Variants in LHFPL6 observed in about 807,000 individuals in gnomAD.
LHFPL6 encodes the protein LHFPL tetraspan subfamily member 6 protein.
LHFPL6 carries 9 observed loss-of-function variants against 20.6 expected under a neutral mutation model. That is an observed-to-expected ratio of 0.44 (90% CI 0.26 to 0.76). The LOEUF (loss-of-function observed/expected upper bound fraction) is 0.76, where lower values mean the gene tolerates loss of function less well. Among genes scored for constraint, LHFPL6 ranks in the 30% least tolerant of loss-of-function variants. The pLI, the probability that LHFPL6 is intolerant of heterozygous loss-of-function variation, is 0.20. For synonymous variants in LHFPL6, 105 were observed against 98.7 expected (o/e 1.06, Z -0.38); for missense variants, 218 against 253.5 (o/e 0.86, Z 0.95).
At chr13:39,537,140 G>C (rs1870645988) in intron 2 of LHFPL6, among the ~76,000 whole-genome samples, 1 of 152,134 alleles carries the variant, frequency 6.6e-6, no homozygotes, top group Non-Finnish European at 1.5e-5. Context: ...GTGTCTTCCT[G>C]CCTTTCACTC....
intron 3 of LHFPL6, among the ~76,000 whole-genome samples, chr13:39,373,623 G>T (rs148350825): frequency 2.6e-5 from 4 of 152,184 alleles, no homozygotes; most frequent in Non-Finnish European, 4.4e-5. Context: ...CTTGAGAGCC[G>T]CAGGGATCAA....
In LHFPL6 at chr13:39,514,107, C is replaced by T. The variant is rs140987555; in HGVS notation, c.385+86725G>A. ...ACGAGACCCATGTTCTGGTTTAGTC[C>T]CAGCTACTGATCATTTAAACTGGCC... On this transcript the variant is annotated intron_variant, in intron 2 of 3. Coordinates refer to ENST00000379589, the MANE Select transcript of LHFPL6 (RefSeq NM_005780.3). Among the ~76,000 whole-genome samples the T allele has an allele frequency of 3.3e-5, 5 of 152,170 alleles. No homozygotes were observed. The East Asian group carries it at 9.7e-4, about 29-fold the overall frequency.
chr13:39,451,903 A>G (rs1872453964), intron 2 of LHFPL6, among the ~76,000 whole-genome samples: 1 of 152,202 alleles, frequency 6.6e-6, no homozygotes, highest in Non-Finnish European at 1.5e-5. Context: ...TATAGAAAGC[A>G]GAAGTGTAAA....
chr13:39,432,904 C>A (rs1202695307), intron 2 of LHFPL6, among the ~76,000 whole-genome samples: 1 of 152,164 alleles, frequency 6.6e-6, no homozygotes, highest in Non-Finnish European at 1.5e-5. Context: ...TTTTGTTATA[C>A]CCCAATTTTA....
At chr13:39,557,544 G>A (rs918808469) in intron 2 of LHFPL6, among the ~76,000 whole-genome samples, 13 of 152,338 alleles carry the variant, frequency 8.5e-5, no homozygotes, top group East Asian at 5.8e-4. Context: ...GGGGGCTGCC[G>A]CCCTCTAGTC....
chr13:39,600,724 T>C (rs1412409297), intron 2 of LHFPL6, 108 bp downstream of exon 2: 1 of 1,154,790 alleles, frequency 8.7e-7, no homozygotes, highest in Non-Finnish European at 1.2e-6. Flanking sequence ...CTATTTCTCT[T>C]ATGCATTCCA....
chr13:39,349,615 A>C (rs8001763), intron 3 of LHFPL6, among the ~76,000 whole-genome samples: 11,152 of 152,266 alleles, frequency 0.073, 719 homozygotes, highest in African/African-American at 0.17. Flanking sequence ...TTAAGCAATA[A>C]TGAGACATTT....
At chr13:39,416,648 G>C (rs1173247262) in intron 2 of LHFPL6, among the ~76,000 whole-genome samples, 2 of 152,180 alleles carry the variant, frequency 1.3e-5, no homozygotes, top group Non-Finnish European at 2.9e-5. Context: ...GTATGTAATT[G>C]CAAGAGAAAA....
At chr13:39,385,501 C>T in intron 2 of LHFPL6, among the ~76,000 whole-genome samples, 1 of 152,248 alleles carries the variant, frequency 6.6e-6, no homozygotes, top group East Asian at 1.9e-4. Context: ...TGGGCCCAAA[C>T]GTGAGCTTGG....
In LHFPL6 at chr13:39,385,983, C is replaced by A. The variant is rs540563753; in HGVS notation, c.386-7457G>T. On this transcript the variant is annotated intron_variant, in intron 2 of 3. Coordinates refer to ENST00000379589, the MANE Select transcript of LHFPL6 (RefSeq NM_005780.3). Reference sequence around the variant, plus strand: ...GGAATGACTTTTTCCACCCTTGGCCCCTTGAGTGGTCACACCAGTGTTTCC... The same window carrying A: ...GGAATGACTTTTTCCACCCTTGGCCACTTGAGTGGTCACACCAGTGTTTCC... Among the ~76,000 whole-genome samples the A allele has an allele frequency of 9.9e-5, 15 of 152,212 alleles. No individual in the cohort carries two copies. The South Asian group carries it at 2.9e-3, about 29-fold the overall frequency.
intron 2 of LHFPL6, among the ~76,000 whole-genome samples, chr13:39,443,766 C>T (rs149845451): frequency 2.9e-4 from 44 of 151,676 alleles, no homozygotes; most frequent in African/African-American, 7.7e-4. Context: ...GAAAGTAATA[C>T]GCATTCAATA....
At chr13:39,557,995 C>T (rs992757819) in intron 2 of LHFPL6, among the ~76,000 whole-genome samples, 1 of 152,160 alleles carries the variant, frequency 6.6e-6, no homozygotes, top group Non-Finnish European at 1.5e-5. Context: ...TTCCTGAGGC[C>T]CTCACCAGAA....
chr13:39,543,592 G>A (rs554354832), intron 2 of LHFPL6, among the ~76,000 whole-genome samples: 3 of 152,054 alleles, frequency 2.0e-5, no homozygotes, highest in African/African-American at 7.2e-5. Context: ...CCCTGCATAA[G>A]ACTAATGGAT....
chr13:39,411,837 T>C (rs1238084321), intron 2 of LHFPL6, among the ~76,000 whole-genome samples: 1 of 152,276 alleles, frequency 6.6e-6, no homozygotes, highest in Non-Finnish European at 1.5e-5. Flanking sequence ...ATACTTAAAC[T>C]GTATTTCCCA....
chr13:39,595,286 T>C (rs9566462), intron 2 of LHFPL6, among the ~76,000 whole-genome samples: 111,254 of 152,058 alleles, frequency 0.73, 42,128 homozygotes, highest in East Asian at 0.86. Context: ...CAGCCGCCTG[T>C]AGTGTATCTT....
intron 2 of LHFPL6, among the ~76,000 whole-genome samples, chr13:39,523,153 C>T (rs1391234078): frequency 6.6e-6 from 1 of 152,130 alleles, no homozygotes; most frequent in Non-Finnish European, 1.5e-5. Context: ...ACGACTGATA[C>T]ATGTAATGTG....
chr13:39,436,975 C>T (rs898341572), intron 2 of LHFPL6, among the ~76,000 whole-genome samples: 4 of 152,070 alleles, frequency 2.6e-5, no homozygotes, highest in Admixed American at 2.0e-4. Context: ...GCTCTAAATC[C>T]CCAGATATAT....
intron 3 of LHFPL6, among the ~76,000 whole-genome samples, chr13:39,356,325 G>C (rs2138341148): frequency 6.6e-6 from 1 of 152,176 alleles, no homozygotes; most frequent in East Asian, 1.9e-4. Context: ...TTAAATCAAT[G>C]AAAACAGAGA....
intron 2 of LHFPL6, among the ~76,000 whole-genome samples, chr13:39,443,115 A>G (rs1872184066): frequency 2.0e-5 from 3 of 152,190 alleles, no homozygotes; most frequent in Admixed American, 6.5e-5. Context: ...CTACTCTCAT[A>G]AATGCATTAA....
Sources: allele counts gnomAD v4.1 joint callset (sites outside exome capture counted in the v4.1 genomes callset), GRCh38; gene constraint gnomAD v4.1.1; transcripts MANE v1.5; gene names NCBI Gene and HGNC (gene_info 2026-07-23, HGNC 2026-07-21).